ACSF3: variants seen among roughly 807,000 people sequenced by gnomAD.
ACSF3 encodes the protein malonate--CoA ligase ACSF3, mitochondrial.
ACSF3 carries 78 observed loss-of-function variants against 53.2 expected under a neutral mutation model. The ratio of observed to expected loss-of-function variants is 1.47; its 90% CI spans 1.22 to 1.77. The LOEUF is 1.77. Ranked by LOEUF, ACSF3 falls within the 40% of genes most tolerant of loss-of-function variation. The pLI is 0.00. For missense variants in ACSF3, 937 were observed against 771.1 expected (o/e 1.22, Z -2.55); for synonymous variants, 414 against 333.1 (o/e 1.24, Z -2.65).
chr16:89,098,561 T>C (rs1403667952), intron 1 of ACSF3, 30 bp from the exon 2 acceptor site: 1 of 440,032 alleles, frequency 2.3e-6, no homozygotes, highest in African/African-American at 2.0e-5. Flanking sequence ...ACACACAGCC[T>C]GGGACCTCAG....
chr16:89,094,245 G>A (rs1007099821), intron 1 of ACSF3, among the ~76,000 whole-genome samples: 2 of 152,140 alleles, frequency 1.3e-5, no homozygotes, highest in South Asian at 4.1e-4. Context: ...CGCCGGGCCC[G>A]GTGATACCGT....
chr16:89,120,886 C>T lies in ACSF3; in HGVS notation c.1212C>T (p.His404=), dbSNP rs750140114. 29 of 1,613,924 alleles carry T rather than the reference C, an allele frequency of 1.8e-5. No individual in the cohort carries two copies. The highest frequency in any genetic ancestry group is 6.7e-5 in the African/African-American group (5 of 74,946). ...GGGAAGCCTGCTCCTACACCATCCA[C>T]GCAGAGGGAGACGAGAGGGGGACCA... ...PQREACSYTI[H]AEGDERGTKV... The change falls in exon 7 of 11, where the codon CAC becomes CAT. Residue 404 remains histidine (H), a synonymous_variant. Transcript: ENST00000614302.
At chr16:89,136,666 G>T (rs1018643031) in intron 8 of ACSF3, 1 of 1,287,172 alleles carries the variant, frequency 7.8e-7, no homozygotes. Flanking sequence ...GGCCTCCTCC[G>T]GGTCAGGATG....
chr16:89,119,647 G>C (rs1284732931), intron 6 of ACSF3, among the ~76,000 whole-genome samples: 1 of 152,226 alleles, frequency 6.6e-6, no homozygotes, highest in Non-Finnish European at 1.5e-5. Flanking sequence ...GTGGTGACAC[G>C]GGTTTCTGAC....
rs1271558485 is a variant in ACSF3 at position 89,155,438 on chromosome 16, G to C, written c.*1231G>C. On this transcript the variant is annotated 3_prime_UTR_variant, in exon 11 of 11. Coordinates refer to ENST00000614302, the MANE Select transcript of ACSF3 (RefSeq NM_001243279.3). ...CGTGGCCTGGGGCCCCTGCTCACTT[G>C]AGCATGTCGCCCACCAAGCTTGTCT... The C allele has an allele frequency of 2.9e-5, 13 of 454,014 alleles. No individual in the cohort carries two copies. Among genetic ancestry groups the C allele is most frequent in the Non-Finnish European group, 5.7e-5 (13 of 226,804 alleles). 28.1% of individuals were successfully genotyped at this position (454,014 alleles called of 1,614,324 possible).
chr16:89,118,869 C>T lies in ACSF3; in HGVS notation c.1127-1932C>T, dbSNP rs181970649. Reference sequence around the variant, plus strand: ...GCTGTGGCAGGAAGGCAGTGCCCCCCACCTGCCTGCAGCTGCGCTCCCATC... The same window carrying T: ...GCTGTGGCAGGAAGGCAGTGCCCCCTACCTGCCTGCAGCTGCGCTCCCATC... On this transcript the variant is annotated intron_variant, in intron 6 of 10. Transcript: ENST00000614302. Among the ~76,000 whole-genome samples the T allele has an allele frequency of 3.1e-3, 468 of 152,332 alleles. 4 individuals are homozygous for T. Among genetic ancestry groups the T allele is most frequent in the Non-Finnish European group, 2.5e-3 (168 of 68,022 alleles).
chr16:89,102,592 C>T lies in ACSF3; in HGVS notation c.667-12C>T, dbSNP rs72817437. 65,082 of 1,613,116 alleles carry T rather than the reference C, an allele frequency of 0.04. 1,815 individuals carry two copies. Among genetic ancestry groups the T allele is most frequent in the East Asian group, 0.13 (5,835 of 44,882 alleles). ...TTGCTCTTGCTCTCAGCTGTGCTCT[C>T]GTCCCCTGCAGGTGACCGGGCTGGT... On this transcript the variant is annotated splice_polypyrimidine_tract_variant and intron_variant, in intron 3 of 10. Coordinates refer to ENST00000614302, the MANE Select transcript of ACSF3 (RefSeq NM_001243279.3).
rs1255413838 is a variant in ACSF3 at position 89,100,676 on chromosome 16, A to G, written c.-6A>G. ...CCTTTCTCCAGCTCGGCCGCCTGTC[A>G]GTGCAATGCTGCCCCATGTGGTGCT... On this transcript the variant is annotated 5_prime_UTR_variant, in exon 3 of 11. Transcript: ENST00000614302. 3 of 1,481,568 alleles carry G rather than the reference A, an allele frequency of 2.0e-6. No individual in the cohort carries two copies. Among genetic ancestry groups the G allele is most frequent in the African/African-American group, 2.2e-5 (1 of 46,310 alleles). 91.8% of individuals were successfully genotyped at this position (1,481,568 alleles called of 1,614,324 possible). A position where few individuals can be genotyped will look rare whatever the true frequency, so the allele number is the denominator to read the frequency against.
intron 1 of ACSF3, among the ~76,000 whole-genome samples, 155 bp from the exon 2 acceptor site, chr16:89,098,436 G>GTTGTC (rs897631512): frequency 2.6e-5 from 4 of 151,744 alleles, no homozygotes; most frequent in African/African-American, 9.7e-5. Flanking sequence ...ACTGCTGCCC[G>GTTGTC]TTGTCGGGAG....
At chr16:89,127,839 A>G (rs543026840) in intron 7 of ACSF3, among the ~76,000 whole-genome samples, 2 of 152,164 alleles carry the variant, frequency 1.3e-5, no homozygotes, top group African/African-American at 4.8e-5. Context: ...AGGCCACGAA[A>G]CCATTAAAAG....
At chr16:89,114,665 T>G in intron 6 of ACSF3, 178 bp downstream of exon 6, 1 of 868,340 alleles carries the variant, frequency 1.2e-6, no homozygotes, top group Non-Finnish European at 1.8e-6. Context: ...CCCCTCTGGG[T>G]AGATCAGCCT....
intron 7 of ACSF3, 147 bp from the exon 8 acceptor site, chr16:89,132,989 C>T: frequency 1.6e-6 from 2 of 1,229,940 alleles, no homozygotes; most frequent in Non-Finnish European, 2.4e-6. Context: ...CTGCGTTTTC[C>T]AAGCATTCCA....
At chr16:89,100,574 G>C in intron 2 of ACSF3, 88 bp from the exon 3 acceptor site, 1 of 1,298,872 alleles carries the variant, frequency 7.7e-7, no homozygotes, top group Non-Finnish European at 1.1e-6. Context: ...TACCTGGCTG[G>C]GTACTGGGGA....
Position 89,131,969 on chromosome 16 carries a change from T to A in ACSF3, c.1240-1167T>A, listed in dbSNP as rs540253377. 3.6e-4 allele frequency among the ~76,000 whole-genome samples: 54 copies of A among 150,594 alleles called. 2 individuals carry two copies. The highest frequency in any genetic ancestry group is 6.8e-3 in the Middle Eastern group (2 of 292). On this transcript the variant is annotated intron_variant, in intron 7 of 10. Coordinates refer to ENST00000614302, the MANE Select transcript of ACSF3 (RefSeq NM_001243279.3). ...TCCTGGAGGAGCCCAGGCTGGCGGGTTGGCAGCCCCGTCATCATGTGGGGC... is the reference window on the plus strand; with the variant it reads ...TCCTGGAGGAGCCCAGGCTGGCGGGATGGCAGCCCCGTCATCATGTGGGGC...
intron 8 of ACSF3, among the ~76,000 whole-genome samples, chr16:89,138,627 T>A (rs1911106745): frequency 6.6e-6 from 1 of 152,202 alleles, no homozygotes; most frequent in African/African-American, 2.4e-5. Flanking sequence ...TCTTCCCTTC[T>A]CAGAGCCATA....
chr16:89,107,832 G>A (rs1976193865), intron 4 of ACSF3, among the ~76,000 whole-genome samples: 1 of 152,158 alleles, frequency 6.6e-6, no homozygotes, highest in South Asian at 2.1e-4. Context: ...CCCAAATGTG[G>A]CTGCATGTTT....
At chr16:89,146,915 G>A (rs1052162017) in intron 10 of ACSF3, among the ~76,000 whole-genome samples, 6 of 152,134 alleles carry the variant, frequency 3.9e-5, no homozygotes, top group East Asian at 1.9e-4. Context: ...CCATAGGACC[G>A]TCAGGGCAGA....
At chr16:89,098,924 A>G (rs1217119302) in intron 2 of ACSF3, among the ~76,000 whole-genome samples, 161 bp downstream of exon 2, 1 of 152,270 alleles carries the variant, frequency 6.6e-6, no homozygotes, top group Admixed American at 6.5e-5. Flanking sequence ...ATACTTGTTC[A>G]AAGTCCCTGA....
chr16:89,143,757 C>G (rs72817498), intron 8 of ACSF3, among the ~76,000 whole-genome samples: 6,809 of 152,178 alleles, frequency 0.045, 252 homozygotes, highest in East Asian at 0.15. Flanking sequence ...TTTTCTGCTA[C>G]CCATCAGCAC....
Sources: gnomAD v4.1 joint callset for allele counts (sites outside exome capture counted in the v4.1 genomes callset) on GRCh38, gnomAD v4.1.1 for gene constraint, MANE v1.5 for transcripts, NCBI Gene and HGNC (gene_info 2026-07-23, HGNC 2026-07-21) for gene names.